AKAP13: variants seen among roughly 807,000 people sequenced by gnomAD.
AKAP13 encodes the protein A-kinase anchor protein 13.
AKAP13 carries 80 observed loss-of-function variants against 264.5 expected under a neutral mutation model. The observed-to-expected ratio is 0.30, with a 90% CI of 0.25 to 0.36. The LOEUF is 0.36. AKAP13 is among the 10% of genes least tolerant of loss of function. The probability of loss-of-function intolerance (pLI) is 1.00; values close to 1 mark genes in which losing one functional copy is unlikely to be tolerated. For missense variants in AKAP13, 3,712 were observed against 3,435.2 expected (o/e 1.08, Z -2.01); for synonymous variants, 1,380 against 1,250.2 (o/e 1.10, Z -2.19).
chr15:85,576,874 A>G (rs912636241), intron 6 of AKAP13, among the ~76,000 whole-genome samples: 2 of 152,216 alleles, frequency 1.3e-5, no homozygotes, highest in Admixed American at 6.5e-5. Context: ...ACCTGCCAAG[A>G]TATGGAAATG....
intron 5 of AKAP13, among the ~76,000 whole-genome samples, chr15:85,567,470 C>A (rs1035619192): frequency 3.3e-5 from 5 of 152,098 alleles, no homozygotes; most frequent in African/African-American, 1.2e-4. Context: ...TTTAGTATAA[C>A]CATCACCTAA....
At chr15:85,622,462 G>C (rs62022864) in intron 8 of AKAP13, among the ~76,000 whole-genome samples, 12,504 of 152,232 alleles carry the variant, frequency 0.082, 728 homozygotes, top group Non-Finnish European at 0.12. Context: ...GTAGCAGGAT[G>C]AGAAGGCCGG....
At chr15:85,666,910 A>G (rs538992683) in intron 13 of AKAP13, among the ~76,000 whole-genome samples, 39 of 152,278 alleles carry the variant, frequency 2.6e-4, no homozygotes, top group Admixed American at 3.3e-4. Context: ...TGAGAATTCA[A>G]ATTATTTGCT....
intron 1 of AKAP13, among the ~76,000 whole-genome samples, chr15:85,464,593 G>A (rs1366372516): frequency 2.0e-5 from 3 of 152,128 alleles, no homozygotes; most frequent in Admixed American, 6.5e-5. Flanking sequence ...TTTCAAAGAG[G>A]GAGGTTAGAA....
In AKAP13 at chr15:85,718,200, T is replaced by C; in HGVS notation, c.6001+41T>C. 1 of 1,594,824 alleles carries C rather than the reference T, an allele frequency of 6.3e-7. No homozygotes were observed. Reference sequence around the variant, plus strand: ...TTGCTCTGATTATATTTGATTTCCATTGTCCAGCATTTTTAAGCAGTAATT... The same window carrying C: ...TTGCTCTGATTATATTTGATTTCCACTGTCCAGCATTTTTAAGCAGTAATT... On this transcript the variant is annotated intron_variant, in intron 22 of 36. Transcript: ENST00000394518. The surrounding 1 kb of genome is among the most constrained non-coding windows in gnomAD (Gnocchi z 4.9).
intron 5 of AKAP13, among the ~76,000 whole-genome samples, chr15:85,555,992 C>T (rs2078129807): frequency 6.6e-6 from 1 of 152,112 alleles, no homozygotes; most frequent in Non-Finnish European, 1.5e-5. Flanking sequence ...ATCAGACATC[C>T]AGTTAGTATA....
rs561922722 is a variant in AKAP13, at chr15:85,713,330, A to G, written c.5600-2458A>G. Reference sequence around the variant, plus strand: ...CTTCTACTCTGTGTCTCCCTTTTACATTAATACTACATAATTACTTCTGCC... The same window carrying G: ...CTTCTACTCTGTGTCTCCCTTTTACGTTAATACTACATAATTACTTCTGCC... On this transcript the variant is annotated intron_variant, in intron 19 of 36. Transcript: ENST00000394518. Among the ~76,000 whole-genome samples, 10 of 152,202 alleles carry G rather than the reference A, an allele frequency of 6.6e-5. No individual in the cohort carries two copies. The East Asian group carries it at 1.2e-3, about 18-fold the overall frequency.
At position 85,682,175 on chromosome 15, in the gene AKAP13, A is replaced by G; in HGVS notation, c.5119A>G (p.Ser1707Gly). The G allele has an allele frequency of 6.2e-7, 1 of 1,613,548 alleles. No individual in the cohort carries two copies. Among genetic ancestry groups the G allele is most frequent in the Non-Finnish European group, 8.5e-7 (1 of 1,179,942 alleles). ...TTTTCTAGATTCACGGCCCTTCCAC[A>G]GTACCTTCCACAATACCAGTGCTAA... ...PGLDNSRPFH[S>G]TFHNTSANLT... The change falls in exon 15 of 37, where the codon AGT becomes GGT. Residue 1707 changes from serine (S) to glycine (G), a missense_variant. By Grantham distance (56) the Ser-to-Gly change is moderately conservative. Coordinates refer to ENST00000394518, the MANE Select transcript of AKAP13 (RefSeq NM_007200.5).
At chr15:85,399,502 C>CAAAAAAAAAAAAAAAAATA (rs2071287728) in intron 1 of AKAP13, among the ~76,000 whole-genome samples, 1 of 77,078 alleles carries the variant, frequency 1.3e-5, no homozygotes, top group African/African-American at 6.0e-5. Context: ...GACTCCGTCT[C>CAAAAAAAAAAAAAAAAATA]AAAAAAAAAA....
Position 85,633,922 on chromosome 15 carries a change from T to G in AKAP13, c.4162-5452T>G, listed in dbSNP as rs76523216. Among the ~76,000 whole-genome samples the G allele has an allele frequency of 3.5e-4, 53 of 152,266 alleles. No individual in the cohort carries two copies. In the East Asian group the frequency reaches 8.5e-3, roughly 24 times the overall value. On this transcript the variant is annotated intron_variant, in intron 8 of 36. Transcript: ENST00000394518. The stretch of plus-strand genomic sequence containing the variant: ...AGGGTGTTGGTAAAGTTACAAAATT[T>G]GTGGTTACTTCCTTATTGTGTATAC...
chr15:85,689,611 C>G (rs1197449348), intron 16 of AKAP13, among the ~76,000 whole-genome samples: 1 of 152,184 alleles, frequency 6.6e-6, no homozygotes, highest in African/African-American at 2.4e-5. Context: ...CACCAGGCAA[C>G]TTCACTGAAA....
chr15:85,432,705 A>G (rs2073075460), intron 1 of AKAP13, among the ~76,000 whole-genome samples: 1 of 152,204 alleles, frequency 6.6e-6, no homozygotes, highest in South Asian at 2.1e-4. Context: ...GGTGAAAAAA[A>G]TGGTCCATGA....
chr15:85,667,022 A>G (rs990884533), intron 13 of AKAP13, among the ~76,000 whole-genome samples: 3 of 152,162 alleles, frequency 2.0e-5, no homozygotes, highest in Non-Finnish European at 4.4e-5. Flanking sequence ...TTTCCTCCAA[A>G]TGAAACACTT....
At chr15:85,676,883 A>C (rs1005681285) in intron 14 of AKAP13, 10 of 950,418 alleles carry the variant, frequency 1.1e-5, no homozygotes, top group Non-Finnish European at 1.3e-5. Flanking sequence ...CCGGAACCGC[A>C]TAGGCCATTG....
intron 8 of AKAP13, among the ~76,000 whole-genome samples, chr15:85,599,675 T>G (rs1292716643): frequency 1.3e-5 from 2 of 152,176 alleles, no homozygotes; most frequent in African/African-American, 4.8e-5. Context: ...TTTGTCTGTT[T>G]CTTGGCATAA....
At chr15:85,599,403 T>TCCCA (rs1052882986) in intron 8 of AKAP13, among the ~76,000 whole-genome samples, 1 of 152,184 alleles carries the variant, frequency 6.6e-6, no homozygotes, top group Non-Finnish European at 1.5e-5. Context: ...CATTGGCACA[T>TCCCA]CCCACCCGTC....
Position 85,708,314 on chromosome 15 carries a change from C to A in AKAP13, c.5532+228C>A, listed in dbSNP as rs1037697405. ...TTCAGAAAAGAAAACGCTTTCAGAA[C>A]TTCTTCACGTTCAATATACATTTCT... On this transcript the variant is annotated intron_variant, in intron 18 of 36. Transcript: ENST00000394518. The surrounding 1 kb of genome is among the most constrained non-coding windows in gnomAD (Gnocchi z 4.3). 6.6e-6 allele frequency among the ~76,000 whole-genome samples: 1 copy of A among 152,210 alleles called. No homozygotes were observed. The highest frequency in any genetic ancestry group is 1.5e-5 in the Non-Finnish European group (1 of 68,038).
chr15:85,738,058 TTAGC>T (rs1191499620), intron 33 of AKAP13, among the ~76,000 whole-genome samples: 2 of 152,202 alleles, frequency 1.3e-5, no homozygotes, highest in Non-Finnish European at 2.9e-5. Context: ...CTATAAATGC[TTAGC>T]TAGAGTCGGC....
intron 10 of AKAP13, among the ~76,000 whole-genome samples, chr15:85,648,560 T>C (rs2082663785): frequency 1.3e-5 from 2 of 152,036 alleles, no homozygotes; most frequent in Admixed American, 6.5e-5. Context: ...TTTTTAAAAG[T>C]TGAAGGAGGC....
Sources: allele counts gnomAD v4.1 joint callset (sites outside exome capture counted in the v4.1 genomes callset), GRCh38; gene constraint gnomAD v4.1.1; non-coding constraint Gnocchi (gnomAD v3.1); transcripts MANE v1.5; gene names NCBI Gene and HGNC (gene_info 2026-07-23, HGNC 2026-07-21).